EDIL3: variants seen among roughly 807,000 people sequenced by gnomAD.
EDIL3 encodes EGF like and discoidin domains 3.
Under a neutral mutation model 67.4 loss-of-function variants are expected in EDIL3, and 37 were observed. The ratio of observed to expected loss-of-function variants is 0.55; its 90% CI spans 0.42 to 0.72. EDIL3 has a LOEUF of 0.72. Among genes scored for constraint, EDIL3 ranks in the 30% least tolerant of loss-of-function variants. EDIL3 has a pLI of 0.00. For missense variants in EDIL3, 527 were observed against 586.3 expected, an observed-to-expected ratio of 0.90 and a Z score of 1.04; for synonymous variants, 195 against 196.3, an observed-to-expected ratio of 0.99 and a Z score of 0.05.
chr5:84,075,498 C>T (rs1054333125), intron 6 of EDIL3, among the ~76,000 whole-genome samples: 58 of 151,888 alleles, frequency 3.8e-4, no homozygotes, highest in African/African-American at 1.3e-3. Context: ...TATTTTGAGA[C>T]GGAGTCTTCC....
chr5:84,137,182 CAT>C (rs375751851), intron 5 of EDIL3, 57 bp downstream of exon 5: 78 of 844,408 alleles, frequency 9.2e-5, no homozygotes, highest in Non-Finnish European at 1.1e-4. Flanking sequence ...TGTGTGTATA[CAT>C]ACACACACAC....
At chr5:84,319,380 C>T (rs1746579425) in intron 1 of EDIL3, among the ~76,000 whole-genome samples, 1 of 103,448 alleles carries the variant, frequency 9.7e-6, no homozygotes, top group Non-Finnish European at 2.1e-5. Flanking sequence ...AGGAGAATGG[C>T]GTGAACCCAG....
At chr5:84,122,259 TCA>T (rs1747790069) in intron 5 of EDIL3, among the ~76,000 whole-genome samples, 1 of 152,032 alleles carries the variant, frequency 6.6e-6, no homozygotes, top group South Asian at 2.1e-4. Flanking sequence ...ATCTTTTCTC[TCA>T]CAGATCTTCC....
chr5:84,124,066 A>C (rs1333051323), intron 5 of EDIL3, among the ~76,000 whole-genome samples: 1 of 151,988 alleles, frequency 6.6e-6, no homozygotes, highest in African/African-American at 2.4e-5. Flanking sequence ...CTAAACTCAG[A>C]GACATCTTAG....
chr5:83,992,478 A>C (rs1017048767), intron 9 of EDIL3, among the ~76,000 whole-genome samples: 13 of 152,202 alleles, frequency 8.5e-5, no homozygotes, highest in African/African-American at 2.7e-4. Flanking sequence ...AATGGTTCAA[A>C]ATATTGCTGT....
intron 9 of EDIL3, among the ~76,000 whole-genome samples, chr5:83,996,035 A>C (rs993851919): frequency 5.3e-5 from 8 of 152,208 alleles, no homozygotes; most frequent in Non-Finnish European, 1.0e-4. Flanking sequence ...AGTCAAATTT[A>C]ATGATCCCTG....
At chr5:84,257,211 C>T (rs1313801957) in intron 1 of EDIL3, among the ~76,000 whole-genome samples, 17 of 152,220 alleles carry the variant, frequency 1.1e-4, no homozygotes, top group Non-Finnish European at 4.4e-5. Flanking sequence ...GGCCCCTCTG[C>T]TGCCCTCTCT....
At chr5:84,372,775 T>G (rs759666227) in intron 1 of EDIL3, among the ~76,000 whole-genome samples, 1 of 152,164 alleles carries the variant, frequency 6.6e-6, no homozygotes, top group Non-Finnish European at 1.5e-5. Flanking sequence ...TAGGTTGTTG[T>G]GGGTTTTAAA....
chr5:84,072,991 C>A (rs989072808), intron 6 of EDIL3, among the ~76,000 whole-genome samples: 5 of 152,114 alleles, frequency 3.3e-5, no homozygotes, highest in Non-Finnish European at 7.4e-5. Flanking sequence ...AGGTAAAGTT[C>A]ACAGGAAGGT....
chr5:84,326,825 T>C (rs1746768514), intron 1 of EDIL3, among the ~76,000 whole-genome samples: 1 of 151,978 alleles, frequency 6.6e-6, no homozygotes, highest in Admixed American at 6.6e-5. Flanking sequence ...ATTCTCTCTT[T>C]GAGAAAATAC....
intron 1 of EDIL3, among the ~76,000 whole-genome samples, chr5:84,357,626 C>T (rs113437048): frequency 0.015 from 2,273 of 152,204 alleles, 65 homozygotes; most frequent in African/African-American, 0.052. Flanking sequence ...CAGTGGCTCA[C>T]GCCTGTAATC....
chr5:84,301,008 G>A (rs551755052), intron 1 of EDIL3, among the ~76,000 whole-genome samples: 3 of 152,078 alleles, frequency 2.0e-5, no homozygotes, highest in East Asian at 1.9e-4. Context: ...AGTGGCTCAC[G>A]CCTGTAATCC....
Position 84,137,139 on chromosome 5 carries a change from G to A in EDIL3, c.469+102C>T. The A allele has an allele frequency of 3.8e-6, 3 of 788,958 alleles. No homozygotes were observed. In the South Asian group the frequency reaches 7.8e-5, roughly 21 times the overall value. The allele number at this position is 788,958 out of a possible 1,614,324, so 48.9% of individuals were successfully genotyped here. ...AGATTTCAAAATAAATTTAGATGAT[G>A]TACATAAAAATATATATGCATACAT... On this transcript the variant is annotated intron_variant, in intron 5 of 10. Coordinates refer to ENST00000296591, the MANE Select transcript of EDIL3 (RefSeq NM_005711.5).
chr5:84,108,417 A>C (rs1478938786), intron 5 of EDIL3, among the ~76,000 whole-genome samples: 1 of 152,162 alleles, frequency 6.6e-6, no homozygotes, highest in Non-Finnish European at 1.5e-5. Context: ...TTTAGATAAT[A>C]AGATCTTTTT....
chr5:84,371,884 T>C lies in EDIL3; in HGVS notation c.67+12424A>G, dbSNP rs992251321. Among the ~76,000 whole-genome samples, 7 of 152,116 alleles carry C rather than the reference T, an allele frequency of 4.6e-5. 1 individual carries two copies. Among genetic ancestry groups the C allele is most frequent in the Non-Finnish European group, 1.5e-5 (1 of 68,002 alleles). On this transcript the variant is annotated intron_variant, in intron 1 of 10. Transcript: ENST00000296591. The stretch of plus-strand genomic sequence containing the variant: ...TTAAACAATAAACCATCACTTCCTA[T>C]CTTCTTATTCATTCCCTTTAGAACC...
At chr5:84,143,729 T>G (rs1748245280) in intron 4 of EDIL3, among the ~76,000 whole-genome samples, 1 of 152,004 alleles carries the variant, frequency 6.6e-6, no homozygotes. Flanking sequence ...TCTCTATAAC[T>G]CAAATATTTG....
intron 10 of EDIL3, among the ~76,000 whole-genome samples, chr5:83,959,348 A>G (rs1744568990): frequency 6.6e-6 from 1 of 150,746 alleles, no homozygotes; most frequent in African/African-American, 2.4e-5. Context: ...GTAAACCTAG[A>G]AAACTGCATT....
chr5:84,245,939 G>A (rs1032890875), intron 2 of EDIL3, among the ~76,000 whole-genome samples: 1 of 146,620 alleles, frequency 6.8e-6, no homozygotes, highest in African/African-American at 2.5e-5. Context: ...AAAAATCTAA[G>A]TTTTTCCTTA....
intron 9 of EDIL3, among the ~76,000 whole-genome samples, chr5:84,056,601 T>G (rs942238580): frequency 1.3e-5 from 2 of 152,116 alleles, no homozygotes; most frequent in Admixed American, 6.6e-5. Flanking sequence ...TACAATTGTA[T>G]TGCCAGATAT....
Sources: gnomAD v4.1 joint callset for allele counts (sites outside exome capture counted in the v4.1 genomes callset) on GRCh38, gnomAD v4.1.1 for gene constraint, MANE v1.5 for transcripts, NCBI Gene and HGNC (gene_info 2026-07-23, HGNC 2026-07-21) for gene names.